Variants in SCD5 observed in about 807,000 individuals in gnomAD.
The protein encoded by SCD5 is stearoyl-CoA desaturase 5, also known as acyl-CoA-desaturase 4.
SCD5 carries 20 observed loss-of-function variants against 30.4 expected under a neutral mutation model. The ratio of observed to expected loss-of-function variants is 0.66; its 90% CI spans 0.46 to 0.96. The LOEUF is 0.96. Ranked by LOEUF, SCD5 falls within the 40% of genes least tolerant of loss-of-function variation. The pLI is 0.00. For synonymous variants in SCD5, 173 were observed against 176.4 expected (o/e 0.98, Z 0.16); for missense variants, 381 against 443.3 (o/e 0.86, Z 1.26).
At chr4:82,659,134 A>C (rs1727931205) in intron 3 of SCD5, among the ~76,000 whole-genome samples, 1 of 152,080 alleles carries the variant, frequency 6.6e-6, no homozygotes, top group Non-Finnish European at 1.5e-5. Context: ...AGGTGTTTAT[A>C]GTATTCTCTG....
intron 2 of SCD5, among the ~76,000 whole-genome samples, chr4:82,695,265 T>C (rs1719674911): frequency 6.6e-6 from 1 of 152,194 alleles, no homozygotes; most frequent in Non-Finnish European, 1.5e-5. Flanking sequence ...ATTTATTTAT[T>C]TATTTAGCTG....
chr4:82,784,219 T>C (rs1721940130), intron 1 of SCD5, among the ~76,000 whole-genome samples: 1 of 152,192 alleles, frequency 6.6e-6, no homozygotes, highest in Admixed American at 6.5e-5. Flanking sequence ...AACAGTTCTC[T>C]TTACCTTTGT....
chr4:82,765,741 T>C (rs1721471888), intron 1 of SCD5, among the ~76,000 whole-genome samples: 1 of 152,166 alleles, frequency 6.6e-6, no homozygotes, highest in East Asian at 1.9e-4. Flanking sequence ...CTCAGCCTCC[T>C]GAGTAGCTGG....
chr4:82,642,915 G>A (rs1727573333), intron 3 of SCD5, among the ~76,000 whole-genome samples: 1 of 152,164 alleles, frequency 6.6e-6, no homozygotes, highest in Admixed American at 6.5e-5. Flanking sequence ...ATTTTGTTCA[G>A]GTATCTAACT....
chr4:82,660,751 T>C (rs1727981968), intron 3 of SCD5: 2 of 1,522,310 alleles, frequency 1.3e-6, no homozygotes, highest in African/African-American at 1.4e-5. Flanking sequence ...AATAACCTAA[T>C]GTTAGCACAG....
chr4:82,763,110 C>T (rs1578058034), intron 1 of SCD5, among the ~76,000 whole-genome samples: 1 of 152,182 alleles, frequency 6.6e-6, no homozygotes, highest in Non-Finnish European at 1.5e-5. Context: ...AGACAATGTC[C>T]CTATCTGTTG....
chr4:82,778,263 T>C (rs1165003763), intron 1 of SCD5, among the ~76,000 whole-genome samples: 1 of 151,892 alleles, frequency 6.6e-6, no homozygotes, highest in Non-Finnish European at 1.5e-5. Flanking sequence ...AGTCAATAGG[T>C]CAACAGCCTC....
At chr4:82,685,510 C>T (rs1209563933) in intron 2 of SCD5, among the ~76,000 whole-genome samples, 4 of 152,032 alleles carry the variant, frequency 2.6e-5, no homozygotes, top group East Asian at 1.9e-4. Flanking sequence ...GACGGGAGTT[C>T]GAGACCAGCC....
At chr4:82,686,691 A>C (rs1180612809) in intron 2 of SCD5, among the ~76,000 whole-genome samples, 1 of 152,206 alleles carries the variant, frequency 6.6e-6, no homozygotes, top group South Asian at 2.1e-4. Context: ...TAAGAGAAAA[A>C]GCCTTAGTGT....
At chr4:82,784,233 T>C (rs1040221354) in intron 1 of SCD5, among the ~76,000 whole-genome samples, 2 of 152,208 alleles carry the variant, frequency 1.3e-5, no homozygotes, top group Non-Finnish European at 2.9e-5. Flanking sequence ...CCTTTGTATA[T>C]GTTTCACACT....
intron 3 of SCD5, among the ~76,000 whole-genome samples, chr4:82,658,330 T>C (rs1727908405): frequency 1.3e-5 from 2 of 152,188 alleles, no homozygotes; most frequent in African/African-American, 4.8e-5. Context: ...ATTGAAGGCC[T>C]TTTCTGCATC....
At chr4:82,699,974 T>C (rs978185867) in intron 2 of SCD5, among the ~76,000 whole-genome samples, 9 of 151,800 alleles carry the variant, frequency 5.9e-5, no homozygotes, top group African/African-American at 2.2e-4. Context: ...CCCAGCACTT[T>C]GGAAGGCCAA....
chr4:82,695,186 C>T (rs947436262), intron 2 of SCD5, among the ~76,000 whole-genome samples: 3 of 152,134 alleles, frequency 2.0e-5, no homozygotes, highest in Non-Finnish European at 2.9e-5. Context: ...GCCCTGATCA[C>T]GCAGGGCCCC....
chr4:82,750,645 A>C (rs1560552589), intron 1 of SCD5, among the ~76,000 whole-genome samples: 1 of 152,154 alleles, frequency 6.6e-6, no homozygotes, highest in Non-Finnish European at 1.5e-5. Flanking sequence ...TGTAGCAAAA[A>C]AAAAAAAAAG....
intron 3 of SCD5, among the ~76,000 whole-genome samples, chr4:82,643,043 T>TGGGC (rs1199393154): frequency 6.6e-6 from 1 of 151,868 alleles, no homozygotes; most frequent in Admixed American, 6.6e-5. Flanking sequence ...AATTTAGGAG[T>TGGGC]GGGCATGTGA....
intron 3 of SCD5, among the ~76,000 whole-genome samples, chr4:82,669,772 T>A (rs1728268824): frequency 6.6e-6 from 1 of 151,934 alleles, no homozygotes; most frequent in African/African-American, 2.4e-5. Context: ...TATACCAGAG[T>A]ATTCTGTTCT....
At chr4:82,786,792 T>TAA (rs11462424) in intron 1 of SCD5, among the ~76,000 whole-genome samples, 28,518 of 126,956 alleles carry the variant, frequency 0.22, 4,060 homozygotes, top group Non-Finnish European at 0.33. Flanking sequence ...GACTTTGCCT[T>TAA]AAAAAAAAAA....
At chr4:82,764,314 G>C (rs903815599) in intron 1 of SCD5, among the ~76,000 whole-genome samples, 9 of 152,190 alleles carry the variant, frequency 5.9e-5, no homozygotes, top group Non-Finnish European at 8.8e-5. Flanking sequence ...CCCTGATTTA[G>C]ATCATTTACA....
intron 1 of SCD5, among the ~76,000 whole-genome samples, chr4:82,785,420 T>C (rs1007170780): frequency 2.0e-5 from 3 of 152,192 alleles, no homozygotes; most frequent in African/African-American, 7.2e-5. Context: ...TAACCACCCT[T>C]TATCAATTTG....
Sources: gnomAD v4.1 joint callset for allele counts (sites outside exome capture counted in the v4.1 genomes callset) on GRCh38, gnomAD v4.1.1 for gene constraint, MANE v1.5 for transcripts, NCBI Gene and HGNC (gene_info 2026-07-23, HGNC 2026-07-21) for gene names.